Variants in SPECC1 observed in about 807,000 individuals in gnomAD.
The protein encoded by SPECC1 is sperm antigen with calponin homology and coiled-coil domains 1.
SPECC1 carries 62 observed loss-of-function variants against 104.1 expected under a neutral mutation model. The observed-to-expected ratio is 0.60, with a 90% CI of 0.49 to 0.74. The LOEUF (loss-of-function observed/expected upper bound fraction) is 0.74. Ranked by LOEUF, SPECC1 falls within the 30% of genes least tolerant of loss-of-function variation. The probability of loss-of-function intolerance (pLI) is 0.00; values close to 1 mark genes in which losing one functional copy is unlikely to be tolerated. For synonymous variants in SPECC1, 513 were observed against 501.6 expected, an observed-to-expected ratio of 1.02 and a Z score of -0.30; for missense variants, 1,306 against 1,310.5, an observed-to-expected ratio of 1.00 and a Z score of 0.05.
chr17:20,201,139 C>T (rs2151327922), intron 3 of SPECC1, among the ~76,000 whole-genome samples: 1 of 151,952 alleles, frequency 6.6e-6, no homozygotes, highest in East Asian at 1.9e-4. Flanking sequence ...TTTCCAGCTT[C>T]AAAACCAACA....
intron 1 of SPECC1, among the ~76,000 whole-genome samples, chr17:20,037,469 C>T (rs147966685): frequency 9.4e-4 from 142 of 151,810 alleles, no homozygotes; most frequent in Non-Finnish European, 8.2e-4. Flanking sequence ...TTTTTTTATA[C>T]TGCCCTTGTC....
chr17:20,010,717 T>C (rs1184585618), intron 1 of SPECC1, among the ~76,000 whole-genome samples: 1 of 152,234 alleles, frequency 6.6e-6, no homozygotes, highest in African/African-American at 2.4e-5. Context: ...TTCCTTGTCT[T>C]CCATAGATTA....
chr17:20,288,425 C>T (rs895308504), intron 12 of SPECC1, among the ~76,000 whole-genome samples: 66 of 151,916 alleles, frequency 4.3e-4, no homozygotes, highest in African/African-American at 1.6e-3. Context: ...GGGCAAAGGA[C>T]ATGAACAGAC....
intron 3 of SPECC1, among the ~76,000 whole-genome samples, chr17:20,179,249 C>T (rs143777312): frequency 4.3e-4 from 65 of 152,358 alleles, no homozygotes; most frequent in African/African-American, 1.5e-3. Context: ...TGTTCCTGGG[C>T]GTAGACAGTG....
rs146289835 is a variant in SPECC1 at position 20,213,121 on chromosome 17, A to T, written c.1863+7209A>T. Among the ~76,000 whole-genome samples, 1,018 of 151,532 alleles carry T rather than the reference A, an allele frequency of 6.7e-3. 10 individuals are homozygous for T. The highest frequency in any genetic ancestry group is 0.023 in the African/African-American group (965 of 41,214). The stretch of plus-strand genomic sequence containing the variant: ...TTTTTCTTTTCTTTTTTTTTGAGAC[A>T]TGGTCTTGCTCTGTTGCCCAGGCTG... On this transcript the variant is annotated intron_variant, in intron 4 of 14. Coordinates refer to ENST00000395527, the MANE Select transcript of SPECC1 (RefSeq NM_001243439.2).
At chr17:20,047,667 G>C (rs529667147) in intron 1 of SPECC1, among the ~76,000 whole-genome samples, 1 of 151,536 alleles carries the variant, frequency 6.6e-6, no homozygotes, top group Non-Finnish European at 1.5e-5. Flanking sequence ...GCGTGATCTC[G>C]GCTCACTGCA....
chr17:20,263,884 TTTG>T (rs1286757964), intron 12 of SPECC1, among the ~76,000 whole-genome samples: 1 of 151,742 alleles, frequency 6.6e-6, no homozygotes, highest in Non-Finnish European at 1.5e-5. Flanking sequence ...GCTGGAGTGA[TTTG>T]TGTGTGTGTG....
intron 1 of SPECC1, among the ~76,000 whole-genome samples, chr17:20,047,683 C>T (rs1028485231): frequency 5.3e-5 from 8 of 151,772 alleles, no homozygotes; most frequent in African/African-American, 9.7e-5. Flanking sequence ...CTGCAAGCTC[C>T]GTCTCCCAGG....
At chr17:20,035,090 T>C (rs1468189077) in intron 1 of SPECC1, among the ~76,000 whole-genome samples, 1 of 152,218 alleles carries the variant, frequency 6.6e-6, no homozygotes, top group Non-Finnish European at 1.5e-5. Context: ...TCAGAAATCA[T>C]TTGGGCATAT....
chr17:20,267,767 G>A (rs2040266445), intron 12 of SPECC1, among the ~76,000 whole-genome samples: 1 of 152,186 alleles, frequency 6.6e-6, no homozygotes, highest in Non-Finnish European at 1.5e-5. Flanking sequence ...GTGCTCTGGA[G>A]TTTTGAGGTT....
At chr17:20,219,437 A>T (rs1433879891) in intron 4 of SPECC1, among the ~76,000 whole-genome samples, 1 of 152,162 alleles carries the variant, frequency 6.6e-6, no homozygotes, top group African/African-American at 2.4e-5. Flanking sequence ...AGTGACATTC[A>T]GTATGTTTTC....
intron 13 of SPECC1, among the ~76,000 whole-genome samples, chr17:20,301,180 A>G (rs1405929579): frequency 6.6e-6 from 1 of 152,170 alleles, no homozygotes; most frequent in Non-Finnish European, 1.5e-5. Flanking sequence ...AAAGTAACGT[A>G]TCCCAACAGG....
intron 12 of SPECC1, among the ~76,000 whole-genome samples, chr17:20,290,979 A>T (rs537849835): frequency 6.6e-6 from 1 of 152,220 alleles, no homozygotes; most frequent in Non-Finnish European, 1.5e-5. Context: ...GTAAGTGTGT[A>T]TATAATGTTC....
intron 7 of SPECC1, chr17:20,239,076 C>A: frequency 9.7e-7 from 1 of 1,032,442 alleles, no homozygotes; most frequent in Non-Finnish European, 1.2e-6. Flanking sequence ...TGAACAGTTT[C>A]ATTAGTAGAA....
chr17:20,049,220 A>G (rs375645334), intron 1 of SPECC1, among the ~76,000 whole-genome samples: 3 of 152,158 alleles, frequency 2.0e-5, no homozygotes, highest in African/African-American at 7.2e-5. Context: ...TCTCACCAAC[A>G]TGATGATGTT....
chr17:20,171,758 C>T (rs2034111110), intron 3 of SPECC1, among the ~76,000 whole-genome samples: 1 of 152,124 alleles, frequency 6.6e-6, no homozygotes, highest in Admixed American at 6.5e-5. Flanking sequence ...CTGTATTGCT[C>T]AGGCTGGTCT....
chr17:20,227,322 G>A, intron 4 of SPECC1, 91 bp from the exon 5 acceptor site: 1 of 1,049,950 alleles, frequency 9.5e-7, no homozygotes, highest in East Asian at 2.6e-5. Flanking sequence ...TGGGTATATT[G>A]CATCATGGTG....
At chr17:20,078,484 A>G (rs1597658670) in intron 1 of SPECC1, among the ~76,000 whole-genome samples, 1 of 152,164 alleles carries the variant, frequency 6.6e-6, no homozygotes, top group East Asian at 1.9e-4. Flanking sequence ...ATGACGTGTC[A>G]TTTCCCATGC....
At chr17:20,125,202 A>G (rs1335337436) in intron 3 of SPECC1, among the ~76,000 whole-genome samples, 1 of 100,302 alleles carries the variant, frequency 1.0e-5, no homozygotes, top group Admixed American at 1.0e-4. Flanking sequence ...CAAAAACAAA[A>G]CAAAACAAAA....
Sources: allele counts gnomAD v4.1 joint callset (sites outside exome capture counted in the v4.1 genomes callset), GRCh38; gene constraint gnomAD v4.1.1; transcripts MANE v1.5; gene names NCBI Gene and HGNC (gene_info 2026-07-23, HGNC 2026-07-21).